The following ARHGAP6 variants were observed in gnomAD, a reference collection of about 807,000 sequenced individuals.
The protein encoded by ARHGAP6 is rho GTPase-activating protein 6.
ARHGAP6 carries 16 observed loss-of-function variants against 55.7 expected under a neutral mutation model. That is an observed-to-expected ratio of 0.29 (90% CI 0.19 to 0.44). The LOEUF (loss-of-function observed/expected upper bound fraction) is 0.44. Among genes scored for constraint, ARHGAP6 ranks in the 20% least tolerant of loss-of-function variants. The probability of loss-of-function intolerance (pLI) is 1.00; values close to 1 mark genes in which losing one functional copy is unlikely to be tolerated. For synonymous variants in ARHGAP6, 382 were observed against 360.9 expected (o/e 1.06, Z -0.66); for missense variants, 698 against 808.9 (o/e 0.86, Z 1.66).
At chrX:11,591,507 T>C (rs1390594591) in intron 1 of ARHGAP6, among the ~76,000 whole-genome samples, 1 of 110,919 alleles carries the variant, frequency 9.0e-6, no homozygotes, top group Non-Finnish European at 1.9e-5. Context: ...GGATAAAAAG[T>C]GCTCAATCCA....
intron 8 of ARHGAP6, among the ~76,000 whole-genome samples, chrX:11,176,806 T>G (rs961065845): frequency 1.8e-5 from 2 of 111,651 alleles, no homozygotes; most frequent in Admixed American, 9.5e-5. Context: ...TGAAATAAGG[T>G]GTCAGTGCCA....
chrX:11,663,318 A>C (rs1344809989), intron 1 of ARHGAP6, among the ~76,000 whole-genome samples: 1 of 112,019 alleles, frequency 8.9e-6, no homozygotes, highest in Non-Finnish European at 1.9e-5. Context: ...CTGTACTTTA[A>C]AATATTAAAT....
chrX:11,140,633 C>T (rs1415006240), intron 12 of ARHGAP6, among the ~76,000 whole-genome samples: 3 of 109,186 alleles, frequency 2.7e-5, no homozygotes, highest in Non-Finnish European at 5.7e-5. Context: ...GCATTCCCTC[C>T]CCTCACACAC....
chrX:11,227,601 T>G (rs1479052987), intron 2 of ARHGAP6, among the ~76,000 whole-genome samples: 1 of 110,353 alleles, frequency 9.1e-6, no homozygotes, highest in East Asian at 2.8e-4. Context: ...AGCCTGTCAG[T>G]GGTGCCCATG....
chrX:11,352,057 G>A (rs1306827398), intron 1 of ARHGAP6, among the ~76,000 whole-genome samples: 3 of 112,249 alleles, frequency 2.7e-5, no homozygotes, highest in East Asian at 2.8e-4. Flanking sequence ...TTAATAAAAC[G>A]ACTACAAAAA....
intron 1 of ARHGAP6, among the ~76,000 whole-genome samples, chrX:11,574,624 G>A (rs1305372899): frequency 9.0e-6 from 1 of 110,534 alleles, no homozygotes; most frequent in Non-Finnish European, 1.9e-5. Context: ...ATATCATACT[G>A]AATGGGCAAA....
intron 1 of ARHGAP6, among the ~76,000 whole-genome samples, chrX:11,594,276 C>T (rs945847604): frequency 1.0e-4 from 11 of 105,487 alleles, no homozygotes; most frequent in Non-Finnish European, 1.8e-4. Context: ...TCCAATTTTT[C>T]ATCACTCCAC....
At chrX:11,391,188 A>G (rs1389462886) in intron 1 of ARHGAP6, among the ~76,000 whole-genome samples, 1 of 111,708 alleles carries the variant, frequency 9.0e-6, no homozygotes, top group Non-Finnish European at 1.9e-5. Context: ...GCCGGAAACC[A>G]TCATTGTGAG....
chrX:11,605,930 C>T (rs760735592), intron 1 of ARHGAP6, among the ~76,000 whole-genome samples: 8 of 109,811 alleles, frequency 7.3e-5, no homozygotes, highest in Admixed American at 3.9e-4. Context: ...AACCCCATCC[C>T]GGGGAGAAAA....
At chrX:11,300,512 T>A in intron 1 of ARHGAP6, 1 of 766,545 alleles carries the variant, frequency 1.3e-6, no homozygotes, top group Admixed American at 2.4e-5. Context: ...TTGTACATTG[T>A]TTTGACAAAA....
intron 1 of ARHGAP6, among the ~76,000 whole-genome samples, chrX:11,327,915 C>G (rs747478384): frequency 1.8e-5 from 2 of 111,985 alleles, no homozygotes; most frequent in East Asian, 5.6e-4. Flanking sequence ...TTACAAGATA[C>G]TTTACAGGGT....
At chrX:11,648,525 G>A (rs1030878590) in intron 1 of ARHGAP6, among the ~76,000 whole-genome samples, 2 of 111,707 alleles carry the variant, frequency 1.8e-5, no homozygotes, top group African/African-American at 6.5e-5. Context: ...TCCCGCTGAA[G>A]CATTATAAAA....
intron 1 of ARHGAP6, among the ~76,000 whole-genome samples, chrX:11,338,989 G>T (rs1011197178): frequency 3.6e-5 from 4 of 111,907 alleles, no homozygotes; most frequent in Non-Finnish European, 5.6e-5. Flanking sequence ...TGGCTCTGTT[G>T]CAGGCCAACA....
At chrX:11,416,115 AT>A (rs988272066) in intron 1 of ARHGAP6, among the ~76,000 whole-genome samples, 2 of 111,689 alleles carry the variant, frequency 1.8e-5, no homozygotes, top group African/African-American at 6.5e-5. Context: ...GACGCCTTAA[AT>A]AAAAATGTGC....
intron 1 of ARHGAP6, among the ~76,000 whole-genome samples, chrX:11,378,777 T>C (rs765813888): frequency 2.7e-5 from 3 of 112,498 alleles, no homozygotes; most frequent in African/African-American, 9.7e-5. Context: ...CACACAATAC[T>C]ATGATTCTTT....
Position 11,415,703 on chromosome X carries a change from C to T in ARHGAP6, c.589-160996G>A, listed in dbSNP as rs2049738444. On this transcript the variant is annotated intron_variant, in intron 1 of 12. Transcript: ENST00000337414. Reference sequence around the variant, plus strand: ...AGACAATAGTGTGTCAAATTCCTGCCTACGTCTCAAGAGTCTTCAGTTGAT... The same window carrying T: ...AGACAATAGTGTGTCAAATTCCTGCTTACGTCTCAAGAGTCTTCAGTTGAT... Among the ~76,000 whole-genome samples, 4 of 111,850 alleles carry T rather than the reference C, an allele frequency of 3.6e-5. No homozygotes were observed. The South Asian group carries it at 1.5e-3, about 42-fold the overall frequency.
chrX:11,222,339 A>T (rs1417335110), intron 2 of ARHGAP6, among the ~76,000 whole-genome samples: 1 of 112,124 alleles, frequency 8.9e-6, no homozygotes, highest in Admixed American at 9.5e-5. Context: ...ATATTTGGAA[A>T]GCTTTGCTCT....
At position 11,174,573 on chromosome X, in the gene ARHGAP6, C is replaced by CTTTCTTTCTTTTT. The variant is rs1555964685; in HGVS notation, c.1629+3526_1629+3527insAAAAAGAAAGAAA. ...TCCTTCCTTCCTTCCTTCCTTCCTT[C>CTTTCTTTCTTTTT]CTTTCTTTCTTTCTTTCTTTTTCTT... On this transcript the variant is annotated intron_variant, in intron 8 of 12. Coordinates refer to ENST00000337414, the MANE Select transcript of ARHGAP6 (RefSeq NM_013427.3). Among the ~76,000 whole-genome samples, 247 of 42,267 alleles carry CTTTCTTTCTTTTT rather than the reference C, an allele frequency of 5.8e-3. 3 individuals are homozygous for CTTTCTTTCTTTTT. Among genetic ancestry groups the CTTTCTTTCTTTTT allele is most frequent in the Middle Eastern group, 0.017 (1 of 60 alleles). 36.7% of individuals were successfully genotyped at this position (42,267 alleles called of 115,157 possible).
At chrX:11,659,358 C>T (rs2052671372) in intron 1 of ARHGAP6, among the ~76,000 whole-genome samples, 2 of 110,844 alleles carry the variant, frequency 1.8e-5, no homozygotes, top group Admixed American at 1.9e-4. Context: ...ATTTCTCCCA[C>T]TCTCTACAGC....
Sources: allele counts gnomAD v4.1 joint callset (sites outside exome capture counted in the v4.1 genomes callset), GRCh38; gene constraint gnomAD v4.1.1; transcripts MANE v1.5; gene names NCBI Gene and HGNC (gene_info 2026-07-23, HGNC 2026-07-21).